Variants in KCNIP4 observed in about 807,000 individuals in gnomAD.
KCNIP4 encodes potassium voltage-gated channel interacting protein 4, also known as Kv channel-interacting protein 4.
KCNIP4 carries 12 observed loss-of-function variants against 34.0 expected under a neutral mutation model. The ratio of observed to expected loss-of-function variants is 0.35; its 90% CI spans 0.23 to 0.57. The LOEUF (loss-of-function observed/expected upper bound fraction) is 0.57, where lower values mean the gene tolerates loss of function less well. KCNIP4 is among the 20% of genes least tolerant of loss of function. The probability of loss-of-function intolerance (pLI) is 0.83; values close to 1 mark genes in which losing one functional copy is unlikely to be tolerated. For synonymous variants in KCNIP4, 124 were observed against 102.2 expected (o/e 1.21, Z -1.29); for missense variants, 238 against 311.7 (o/e 0.76, Z 1.78).
intron 1 of KCNIP4, among the ~76,000 whole-genome samples, chr4:21,589,215 A>C (rs180737500): frequency 0.083 from 8,421 of 100,862 alleles, 691 homozygotes; most frequent in African/African-American, 0.17. Context: ...TACATATATA[A>C]GTACACATGT....
chr4:21,020,336 C>A (rs1739927673), intron 1 of KCNIP4, among the ~76,000 whole-genome samples: 2 of 152,130 alleles, frequency 1.3e-5, no homozygotes, highest in Non-Finnish European at 2.9e-5. Flanking sequence ...ATTCCTCCTA[C>A]AATCATCTAA....
chr4:21,478,051 G>C (rs895461699), intron 1 of KCNIP4, among the ~76,000 whole-genome samples: 13 of 151,902 alleles, frequency 8.6e-5, no homozygotes, highest in Admixed American at 8.5e-4. Context: ...CAAATATTCT[G>C]TTCTTATTTA....
chr4:20,781,170 T>G (rs1756834096), intron 3 of KCNIP4, among the ~76,000 whole-genome samples: 2 of 152,256 alleles, frequency 1.3e-5, no homozygotes, highest in African/African-American at 4.8e-5. Flanking sequence ...TAAAGACCAG[T>G]CGGAAGATGA....
chr4:21,593,582 A>G (rs576777619), intron 1 of KCNIP4, among the ~76,000 whole-genome samples: 44 of 152,232 alleles, frequency 2.9e-4, no homozygotes, highest in African/African-American at 9.6e-4. Flanking sequence ...GTTATCTATT[A>G]GCACTGCAGA....
At chr4:21,220,314 T>A (rs889338045) in intron 1 of KCNIP4, among the ~76,000 whole-genome samples, 2 of 152,144 alleles carry the variant, frequency 1.3e-5, no homozygotes, top group African/African-American at 4.8e-5. Context: ...GATTAAGGGA[T>A]GAACCTATGG....
chr4:21,383,688 G>T (rs533925005), intron 1 of KCNIP4, among the ~76,000 whole-genome samples: 1 of 151,892 alleles, frequency 6.6e-6, no homozygotes. Flanking sequence ...AATACCTTCC[G>T]ATTTTACCTG....
intron 1 of KCNIP4, among the ~76,000 whole-genome samples, chr4:21,216,871 C>A (rs780807905): frequency 2.0e-5 from 3 of 152,240 alleles, no homozygotes; most frequent in Non-Finnish European, 2.9e-5. Context: ...GGAAAGATTT[C>A]CCAAAGACAC....
intron 3 of KCNIP4, among the ~76,000 whole-genome samples, chr4:20,824,819 A>T (rs1162937092): frequency 1.6e-5 from 1 of 63,730 alleles, no homozygotes; most frequent in Non-Finnish European, 3.5e-5. Flanking sequence ...GATTCTCATA[A>T]TTGCTTTTTT....
chr4:21,285,233 T>G lies in KCNIP4; in HGVS notation c.62-402524A>C, dbSNP rs533509681. 9.9e-4 allele frequency among the ~76,000 whole-genome samples: 151 copies of G among 152,288 alleles called. No homozygotes were observed. In the Middle Eastern group the frequency reaches 0.01, roughly 10 times the overall value. Reference sequence around the variant, plus strand: ...ATTATTTAAATAGTGTCTGAGGAACTTGGAGGTTGCTTGAAAAGGTCTCCC... The same window carrying G: ...ATTATTTAAATAGTGTCTGAGGAACGTGGAGGTTGCTTGAAAAGGTCTCCC... On this transcript the variant is annotated intron_variant, in intron 1 of 8. Coordinates refer to ENST00000382152, the MANE Select transcript of KCNIP4 (RefSeq NM_025221.6).
intron 1 of KCNIP4, among the ~76,000 whole-genome samples, chr4:20,884,520 T>G (rs1466392485): frequency 6.6e-6 from 1 of 151,926 alleles, no homozygotes; most frequent in Non-Finnish European, 1.5e-5. Context: ...TCTGGAAGGA[T>G]GCAACGATTT....
At chr4:20,977,664 T>G (rs1342055514) in intron 1 of KCNIP4, among the ~76,000 whole-genome samples, 3 of 152,214 alleles carry the variant, frequency 2.0e-5, no homozygotes, top group Non-Finnish European at 4.4e-5. Context: ...CTTGGTATTT[T>G]AAATAATTAA....
intron 1 of KCNIP4, among the ~76,000 whole-genome samples, chr4:21,218,137 T>A (rs1757734533): frequency 6.6e-6 from 1 of 151,904 alleles, no homozygotes; most frequent in African/African-American, 2.4e-5. Context: ...TGCCTCAGTC[T>A]CCCGAGTAGC....
intron 1 of KCNIP4, among the ~76,000 whole-genome samples, chr4:21,801,431 T>C (rs748494848): frequency 9.9e-5 from 15 of 152,032 alleles, no homozygotes; most frequent in East Asian, 5.8e-4. Flanking sequence ...TTGGTGATTA[T>C]AGAAATTGTG....
At chr4:21,398,164 G>T (rs1375534378) in intron 1 of KCNIP4, among the ~76,000 whole-genome samples, 1 of 152,168 alleles carries the variant, frequency 6.6e-6, no homozygotes, top group Non-Finnish European at 1.5e-5. Flanking sequence ...TGTTTTCCCA[G>T]AATTTAAGCT....
chr4:20,922,516 A>T (rs1008148973), intron 1 of KCNIP4, among the ~76,000 whole-genome samples: 12 of 143,260 alleles, frequency 8.4e-5, no homozygotes, highest in South Asian at 2.3e-4. Flanking sequence ...TAATAGTGTG[A>T]CTGTCTGTCT....
chr4:21,823,916 G>A (rs958791308), intron 1 of KCNIP4, among the ~76,000 whole-genome samples: 2 of 152,124 alleles, frequency 1.3e-5, no homozygotes, highest in African/African-American at 4.8e-5. Flanking sequence ...GAGGTGGAAT[G>A]CATATCTATA....
intron 1 of KCNIP4, among the ~76,000 whole-genome samples, chr4:21,696,880 T>C (rs545719104): frequency 3.7e-4 from 57 of 152,206 alleles, no homozygotes; most frequent in Non-Finnish European, 7.6e-4. Context: ...CCAAAAGAAA[T>C]ATCCTTAACT....
intron 1 of KCNIP4, among the ~76,000 whole-genome samples, chr4:21,861,294 T>C (rs1725059885): frequency 6.6e-6 from 1 of 152,208 alleles, no homozygotes. Flanking sequence ...TATATAATAA[T>C]TCAATTTAAA....
intron 1 of KCNIP4, among the ~76,000 whole-genome samples, chr4:21,539,410 G>A (rs1207762359): frequency 3.3e-5 from 5 of 152,140 alleles, no homozygotes; most frequent in Non-Finnish European, 7.4e-5. Context: ...GCCAAAGAAG[G>A]AAGGGAGAAA....
Sources: allele counts gnomAD v4.1 joint callset (sites outside exome capture counted in the v4.1 genomes callset), GRCh38; gene constraint gnomAD v4.1.1; transcripts MANE v1.5; gene names NCBI Gene and HGNC (gene_info 2026-07-23, HGNC 2026-07-21).